Variants in KCNH5 observed in about 807,000 individuals in gnomAD.
KCNH5 encodes the protein voltage-gated delayed rectifier potassium channel KCNH5.
A neutral mutation model predicts 96.1 loss-of-function variants in KCNH5; 46 were observed. The observed-to-expected ratio is 0.48, with a 90% CI of 0.38 to 0.61. The LOEUF is 0.61. KCNH5 is among the 20% of genes least tolerant of loss of function. KCNH5 has a pLI of 0.00. For missense variants in KCNH5, 907 were observed against 1,225.8 expected (o/e 0.74, Z 3.88); for synonymous variants, 439 against 449.8 (o/e 0.98, Z 0.30).
intron 6 of KCNH5, among the ~76,000 whole-genome samples, chr14:62,957,369 C>T (rs897500004): frequency 2.0e-5 from 3 of 152,192 alleles, no homozygotes; most frequent in South Asian, 2.1e-4. Context: ...TCCAAGGACA[C>T]GTTGCAATTA....
At chr14:62,978,326 C>T (rs188141273) in intron 6 of KCNH5, among the ~76,000 whole-genome samples, 4 of 152,174 alleles carry the variant, frequency 2.6e-5, no homozygotes, top group South Asian at 2.1e-4. Flanking sequence ...TGACCGTACT[C>T]CACACAGCAC....
chr14:63,042,682 T>A (rs745961198), intron 1 of KCNH5, among the ~76,000 whole-genome samples: 35 of 152,300 alleles, frequency 2.3e-4, no homozygotes, highest in South Asian at 1.4e-3. Flanking sequence ...TTTCTATTAG[T>A]CTCAATTAAA....
chr14:62,974,159 T>G (rs1193496964), intron 6 of KCNH5, among the ~76,000 whole-genome samples: 1 of 152,236 alleles, frequency 6.6e-6, no homozygotes, highest in Non-Finnish European at 1.5e-5. Flanking sequence ...TCATTCTTTC[T>G]CCTAAAGCAA....
rs1566631386 is a variant in KCNH5 at position 62,700,493 on chromosome 14, A to G, written c.*7015T>C. ...CCCTCTCTGATAAAGGGTCATAAGA[A>G]TAGCAATGTGAAAACATCCCTGCAG... On this transcript the variant is annotated 3_prime_UTR_variant, in exon 11 of 11. Transcript: ENST00000322893. The G allele has an allele frequency of 6.6e-6, 1 of 152,220 alleles. No individual in the cohort carries two copies. Among genetic ancestry groups the G allele is most frequent in the African/African-American group, 2.4e-5 (1 of 41,462 alleles). The allele number at this position is 152,220 out of a possible 1,614,324, so 9.4% of individuals were successfully genotyped here. A position where few individuals can be genotyped will look rare whatever the true frequency, so the allele number is the denominator to read the frequency against.
At chr14:62,987,788 T>C (rs933302223) in intron 4 of KCNH5, among the ~76,000 whole-genome samples, 2 of 152,178 alleles carry the variant, frequency 1.3e-5, no homozygotes, top group Non-Finnish European at 1.5e-5. Context: ...TTCTATTGTA[T>C]TAAGCCACTA....
chr14:63,005,744 T>C (rs1891112985), intron 3 of KCNH5, among the ~76,000 whole-genome samples: 1 of 152,224 alleles, frequency 6.6e-6, no homozygotes, highest in Non-Finnish European at 1.5e-5. Flanking sequence ...ATGGAAAGTC[T>C]ATATCACCAG....
intron 10 of KCNH5, among the ~76,000 whole-genome samples, chr14:62,755,253 G>T (rs982288618): frequency 2.0e-5 from 3 of 152,020 alleles, no homozygotes; most frequent in Non-Finnish European, 4.4e-5. Context: ...AAAGGATAAA[G>T]TATAACCAAT....
chr14:62,999,253 T>C (rs1456054601), intron 4 of KCNH5, among the ~76,000 whole-genome samples: 1 of 152,204 alleles, frequency 6.6e-6, no homozygotes, highest in Non-Finnish European at 1.5e-5. Flanking sequence ...TGGTATCTCA[T>C]TGTGGTTTTG....
chr14:62,745,081 T>G (rs938850367), intron 10 of KCNH5, among the ~76,000 whole-genome samples: 2 of 152,216 alleles, frequency 1.3e-5, no homozygotes, highest in Non-Finnish European at 2.9e-5. Context: ...AGGATGCTCT[T>G]GACCACCTCA....
At chr14:62,947,177 C>T (rs1889905228) in intron 7 of KCNH5, among the ~76,000 whole-genome samples, 1 of 152,124 alleles carries the variant, frequency 6.6e-6, no homozygotes, top group Admixed American at 6.6e-5. Flanking sequence ...TCTATAATTA[C>T]TTCAAAACAA....
intron 5 of KCNH5, among the ~76,000 whole-genome samples, chr14:62,984,857 A>G (rs1218381865): frequency 6.6e-6 from 1 of 152,212 alleles, no homozygotes; most frequent in Non-Finnish European, 1.5e-5. Flanking sequence ...CCGTTGATAC[A>G]GTGAAAAAAC....
rs755413247 is a variant in KCNH5, at chr14:62,708,465, G to C, written c.2020-10C>G. 5.2e-6 allele frequency: 8 copies of C among 1,545,986 alleles called. No homozygotes were observed. The South Asian group carries it at 6.9e-5, about 13-fold the overall frequency. ...TCTTACGAAAGATGATCTGTGGAAC[G>C]GGAGAGATAGTCACAGCCTGATTAT... On this transcript the variant is annotated splice_polypyrimidine_tract_variant and intron_variant, in intron 10 of 10. Coordinates refer to ENST00000322893, the MANE Select transcript of KCNH5 (RefSeq NM_139318.5).
At chr14:63,001,983 T>C (rs1452456433) in intron 3 of KCNH5, among the ~76,000 whole-genome samples, 1 of 152,218 alleles carries the variant, frequency 6.6e-6, no homozygotes, top group Non-Finnish European at 1.5e-5. Flanking sequence ...ATCAGTCAGA[T>C]AGACTTATAT....
intron 1 of KCNH5, among the ~76,000 whole-genome samples, chr14:63,025,900 T>C (rs576129962): frequency 4.0e-5 from 6 of 149,476 alleles, no homozygotes; most frequent in African/African-American, 9.8e-5. Flanking sequence ...AAGACCCCAA[T>C]AGCCAAAGTA....
chr14:62,718,247 G>A (rs1358932170), intron 10 of KCNH5, among the ~76,000 whole-genome samples: 2 of 151,794 alleles, frequency 1.3e-5, no homozygotes, highest in African/African-American at 2.4e-5. Flanking sequence ...AGCATCACAC[G>A]ACATATCCAT....
intron 7 of KCNH5, among the ~76,000 whole-genome samples, chr14:62,940,988 T>C (rs1387466838): frequency 6.6e-6 from 1 of 152,072 alleles, no homozygotes; most frequent in Non-Finnish European, 1.5e-5. Flanking sequence ...AAGGCAGAGG[T>C]GGACATTGAG....
intron 7 of KCNH5, among the ~76,000 whole-genome samples, chr14:62,908,175 TA>T (rs1889066553): frequency 6.6e-6 from 1 of 152,226 alleles, no homozygotes; most frequent in African/African-American, 2.4e-5. Context: ...AACAGTTTGT[TA>T]AGCATCAATA....
chr14:62,930,480 A>G (rs1889560071), intron 7 of KCNH5, among the ~76,000 whole-genome samples: 1 of 152,182 alleles, frequency 6.6e-6, no homozygotes, highest in Non-Finnish European at 1.5e-5. Context: ...TTATATAACA[A>G]TGTTCATAAG....
At chr14:63,003,868 C>T (rs1194539372) in intron 3 of KCNH5, among the ~76,000 whole-genome samples, 1 of 151,692 alleles carries the variant, frequency 6.6e-6, no homozygotes, top group East Asian at 1.9e-4. Flanking sequence ...GATCCGCCCG[C>T]CTCGGCCTTC....
Sources: gnomAD v4.1 joint callset for allele counts (sites outside exome capture counted in the v4.1 genomes callset) on GRCh38, gnomAD v4.1.1 for gene constraint, MANE v1.5 for transcripts, NCBI Gene and HGNC (gene_info 2026-07-23, HGNC 2026-07-21) for gene names.